The following COPS3 variants were observed in gnomAD, a reference collection of about 807,000 sequenced individuals.
COPS3 encodes COP9 signalosome complex subunit 3.
Under a neutral mutation model 58.2 loss-of-function variants are expected in COPS3, and 10 were observed. The observed-to-expected ratio is 0.17, with a 90% CI of 0.11 to 0.29. The LOEUF (loss-of-function observed/expected upper bound fraction) is 0.29. Among genes scored for constraint, COPS3 ranks in the 10% least tolerant of loss-of-function variants. The pLI is 1.00. For missense variants in COPS3, 333 were observed against 510.1 expected (o/e 0.65, Z 3.34); for synonymous variants, 187 against 181.7 (o/e 1.03, Z -0.24).
At chr17:17,253,617 G>A (rs989179497) in intron 9 of COPS3, among the ~76,000 whole-genome samples, 2 of 152,114 alleles carry the variant, frequency 1.3e-5, no homozygotes, top group Non-Finnish European at 2.9e-5. Context: ...CCTCAGTGAC[G>A]GAAGAGGCTA....
chr17:17,253,206 A>T (rs2047890236), intron 9 of COPS3, among the ~76,000 whole-genome samples: 1 of 152,156 alleles, frequency 6.6e-6, no homozygotes, highest in Non-Finnish European at 1.5e-5. Flanking sequence ...AGCCTGGGCA[A>T]CACAGGAAGA....
intron 2 of COPS3, among the ~76,000 whole-genome samples, chr17:17,274,193 C>A (rs2048410893): frequency 6.6e-6 from 1 of 152,122 alleles, no homozygotes; most frequent in African/African-American, 2.4e-5. Flanking sequence ...TTTGAATCTA[C>A]ATATTCTTCC....
intron 10 of COPS3, among the ~76,000 whole-genome samples, chr17:17,248,605 C>T (rs1468348053): frequency 6.6e-6 from 1 of 152,164 alleles, no homozygotes; most frequent in Non-Finnish European, 1.5e-5. Context: ...GCATGAGCCA[C>T]CACACCCAGC....
At chr17:17,275,421 G>A (rs186562074) in intron 2 of COPS3, among the ~76,000 whole-genome samples, 1 of 149,772 alleles carries the variant, frequency 6.7e-6, no homozygotes, top group East Asian at 2.0e-4. Flanking sequence ...AGACAGTCTC[G>A]CTCTGTCACC....
intron 1 of COPS3, among the ~76,000 whole-genome samples, chr17:17,279,251 G>C (rs1007662852): frequency 6.6e-6 from 1 of 152,142 alleles, no homozygotes; most frequent in African/African-American, 2.4e-5. Context: ...ATTTATCTCT[G>C]TCTAGCAGAC....
intron 9 of COPS3, among the ~76,000 whole-genome samples, chr17:17,250,392 C>G (rs1352464857): frequency 2.6e-5 from 4 of 151,682 alleles, no homozygotes; most frequent in Non-Finnish European, 5.9e-5. Context: ...GTAGCTGGGA[C>G]TACAGGTATG....
chr17:17,268,246 C>T (rs559156722), intron 4 of COPS3, among the ~76,000 whole-genome samples: 1 of 152,246 alleles, frequency 6.6e-6, no homozygotes, highest in Non-Finnish European at 1.5e-5. Flanking sequence ...TAATCAAAAA[C>T]AGTATTACTT....
intron 8 of COPS3, among the ~76,000 whole-genome samples, chr17:17,256,061 C>G (rs1193888947): frequency 3.3e-5 from 5 of 149,828 alleles, no homozygotes; most frequent in Non-Finnish European, 5.9e-5. Flanking sequence ...CACTTGTAGT[C>G]CCAGCTACTT....
chr17:17,261,737 C>A, intron 7 of COPS3: 1 of 479,580 alleles, frequency 2.1e-6, no homozygotes, highest in Non-Finnish European at 3.8e-6. Flanking sequence ...GCTTAAACAT[C>A]TATAGCTGTA....
At chr17:17,272,258 A>G (rs1204947671) in intron 2 of COPS3, among the ~76,000 whole-genome samples, 1 of 152,010 alleles carries the variant, frequency 6.6e-6, no homozygotes, top group African/African-American at 2.4e-5. Flanking sequence ...CCCCATCTCT[A>G]CAAAAAATAG....
chr17:17,247,642 G>GT (rs1244360714), intron 10 of COPS3, 82 bp from the exon 11 acceptor site: 2 of 1,341,140 alleles, frequency 1.5e-6, no homozygotes, highest in African/African-American at 2.9e-5. Context: ...GTTCACAAGG[G>GT]TGCTATAGGT....
At chr17:17,251,442 C>T (rs1023981981) in intron 9 of COPS3, among the ~76,000 whole-genome samples, 1 of 151,680 alleles carries the variant, frequency 6.6e-6, no homozygotes, top group Non-Finnish European at 1.5e-5. Context: ...TTACAGGCGC[C>T]CGCCATCATG....
At position 17,254,472 on chromosome 17, in the gene COPS3, C is replaced by G. The variant is rs184266951; in HGVS notation, c.1023+387G>C. On this transcript the variant is annotated intron_variant, in intron 9 of 11. Transcript: ENST00000268717. ...TTTTAATATTTTCCACAATGAACAT[C>G]TGTTACTCTTACAGTAACAAAAATC... Among the ~76,000 whole-genome samples the G allele has an allele frequency of 2.6e-5, 4 of 152,272 alleles. No individual in the cohort carries two copies. The East Asian group carries it at 5.8e-4, about 22-fold the overall frequency.
At chr17:17,274,882 G>A (rs2048428372) in intron 2 of COPS3, among the ~76,000 whole-genome samples, 1 of 151,728 alleles carries the variant, frequency 6.6e-6, no homozygotes, top group South Asian at 2.1e-4. Flanking sequence ...GGCAGTCTGA[G>A]TTACTTGGGA....
intron 2 of COPS3, among the ~76,000 whole-genome samples, chr17:17,273,144 T>C (rs1325345394): frequency 1.3e-5 from 2 of 152,080 alleles, no homozygotes; most frequent in African/African-American, 2.4e-5. Context: ...AAAGTGAGAG[T>C]CTGGCTTCAC....
intron 6 of COPS3, among the ~76,000 whole-genome samples, chr17:17,264,507 T>C (rs1366272595): frequency 6.6e-6 from 1 of 152,204 alleles, no homozygotes; most frequent in Non-Finnish European, 1.5e-5. Context: ...CTTCCTTATA[T>C]GCAAAGGAAG....
chr17:17,274,574 G>A (rs1269684213), intron 2 of COPS3, among the ~76,000 whole-genome samples: 3 of 151,728 alleles, frequency 2.0e-5, no homozygotes, highest in South Asian at 4.2e-4. Flanking sequence ...ACAGGTGCAT[G>A]CCACCACACC....
At chr17:17,266,209 T>C (rs1190734470) in intron 5 of COPS3, among the ~76,000 whole-genome samples, 1 of 152,198 alleles carries the variant, frequency 6.6e-6, no homozygotes, top group Admixed American at 6.6e-5. Flanking sequence ...ACTCATATTA[T>C]AGAATACTCC....
chr17:17,261,921 C>A (rs147736279), intron 7 of COPS3, 45 bp downstream of exon 7: 3 of 1,514,350 alleles, frequency 2.0e-6, no homozygotes, highest in Non-Finnish European at 2.7e-6. Flanking sequence ...TCTTTATATA[C>A]TCAACATGCT....
Sources: allele counts gnomAD v4.1 joint callset (sites outside exome capture counted in the v4.1 genomes callset), GRCh38; gene constraint gnomAD v4.1.1; transcripts MANE v1.5; gene names NCBI Gene and HGNC (gene_info 2026-07-23, HGNC 2026-07-21).